SIMC1: variants seen among roughly 807,000 people sequenced by gnomAD.
The protein encoded by SIMC1 is SUMO-interacting motif-containing protein 1.
Under a neutral mutation model 82.3 loss-of-function variants are expected in SIMC1, and 55 were observed. The observed-to-expected ratio is 0.67, with a 90% CI of 0.54 to 0.84. The LOEUF (loss-of-function observed/expected upper bound fraction) is 0.84. Among genes scored for constraint, SIMC1 ranks in the 40% least tolerant of loss-of-function variants. SIMC1 has a pLI of 0.00. For synonymous variants in SIMC1, 353 were observed against 426.3 expected (o/e 0.83, Z 2.12); for missense variants, 915 against 1,107.2 (o/e 0.83, Z 2.46).
chr5:176,257,207 T>C (rs1322962393), intron 1 of SIMC1, among the ~76,000 whole-genome samples: 1 of 152,248 alleles, frequency 6.6e-6, no homozygotes, highest in South Asian at 2.1e-4. Flanking sequence ...GCAGTATATG[T>C]GTTAGGCTGT....
chr5:176,271,931 A>G (rs1244468628), intron 1 of SIMC1, among the ~76,000 whole-genome samples: 2 of 131,682 alleles, frequency 1.5e-5, no homozygotes, highest in African/African-American at 2.7e-5. Context: ...TTATATTATA[A>G]TATATACTAT....
At chr5:176,269,253 AAATC>A (rs1179069276) in intron 1 of SIMC1, among the ~76,000 whole-genome samples, 1 of 152,176 alleles carries the variant, frequency 6.6e-6, no homozygotes, top group Non-Finnish European at 1.5e-5. Context: ...ACAGATTAAA[AAATC>A]AATAAAGTTG....
rs192060762 is a variant in SIMC1, at chr5:176,321,428, C to T, written c.1890-845C>T. Among the ~76,000 whole-genome samples, 514 of 150,608 alleles carry T rather than the reference C, an allele frequency of 3.4e-3. 1 individual carries two copies. The highest frequency in any genetic ancestry group is 0.01 in the Middle Eastern group (3 of 292). On this transcript the variant is annotated intron_variant, in intron 5 of 9. Transcript: ENST00000429602. Reference sequence around the variant, plus strand: ...ACTGCACTCCAGCCTGGCGACAGAGCGAGACTCTGCCTAAAAAAAAAAAAA... The same window carrying T: ...ACTGCACTCCAGCCTGGCGACAGAGTGAGACTCTGCCTAAAAAAAAAAAAA...
At chr5:176,300,833 A>G (rs1764011208) in intron 4 of SIMC1, among the ~76,000 whole-genome samples, 1 of 152,198 alleles carries the variant, frequency 6.6e-6, no homozygotes, top group Non-Finnish European at 1.5e-5. Context: ...TATACCCCCA[A>G]TAAACTGGAT....
intron 1 of SIMC1, among the ~76,000 whole-genome samples, chr5:176,285,339 A>C (rs953016424): frequency 1.8e-4 from 27 of 152,366 alleles, no homozygotes; most frequent in African/African-American, 6.3e-4. Context: ...CAATATACAG[A>C]AATCAATAAA....
At chr5:176,271,819 T>C (rs1032504599) in intron 1 of SIMC1, among the ~76,000 whole-genome samples, 2 of 148,998 alleles carry the variant, frequency 1.3e-5, no homozygotes, top group African/African-American at 4.9e-5. Flanking sequence ...TGTCTCAAAA[T>C]ATTCCTGTCT....
At chr5:176,305,467 G>C (rs1463263914) in intron 4 of SIMC1, among the ~76,000 whole-genome samples, 6 of 67,156 alleles carry the variant, frequency 8.9e-5, no homozygotes, top group South Asian at 6.2e-4. Context: ...CCTCTGCCCG[G>C]CCGCCCCTAC....
chr5:176,256,039 A>G (rs963578436), intron 1 of SIMC1, among the ~76,000 whole-genome samples: 20 of 152,204 alleles, frequency 1.3e-4, no homozygotes, highest in Admixed American at 5.2e-4. Context: ...TATGAATCTG[A>G]GAAGCTTCCA....
chr5:176,320,382 T>TA (rs1765108591), intron 5 of SIMC1, among the ~76,000 whole-genome samples: 1 of 144,506 alleles, frequency 6.9e-6, no homozygotes, highest in African/African-American at 2.5e-5. Flanking sequence ...TTTATTTATT[T>TA]TGAGGCGGAG....
In SIMC1 at chr5:176,254,469, T is replaced by G. The variant is rs559635775; in HGVS notation, c.129+15832T>G. ...CAGCCATGAGACTTGCCCCTTAAAA[T>G]TTATCTAGTTTTAGCTTTTAGGATT... is the stretch of plus-strand genomic sequence containing the variant. On this transcript the variant is annotated intron_variant, in intron 1 of 9. Coordinates refer to ENST00000429602, the MANE Select transcript of SIMC1 (RefSeq NM_001308195.2). Among the ~76,000 whole-genome samples, 48 of 151,164 alleles carry G rather than the reference T, an allele frequency of 3.2e-4. No individual in the cohort carries two copies. The South Asian group carries it at 6.1e-3, about 19-fold the overall frequency.
At chr5:176,313,019 G>A in intron 4 of SIMC1, 1 of 166,822 alleles carries the variant, frequency 6.0e-6, no homozygotes, top group Non-Finnish European at 1.3e-5. Flanking sequence ...AAAACAAACA[G>A]CAACAAAAAC....
chr5:176,303,254 T>G (rs1764118089), intron 4 of SIMC1, among the ~76,000 whole-genome samples: 4 of 112,818 alleles, frequency 3.5e-5, no homozygotes, highest in East Asian at 2.5e-4. Flanking sequence ...GGTGACAGAG[T>G]GAGACTCTGT....
chr5:176,325,728 TAATAAA>T (rs1161480411), intron 7 of SIMC1, among the ~76,000 whole-genome samples: 1 of 151,848 alleles, frequency 6.6e-6, no homozygotes, highest in African/African-American at 2.4e-5. Flanking sequence ...ATTAAATAAA[TAATAAA>T]AATAAAAATT....
Position 176,279,401 on chromosome 5 carries a change from T to C in SIMC1, c.130-10253T>C. 1.3e-5 allele frequency among the ~76,000 whole-genome samples: 2 copies of C among 152,174 alleles called. 1 individual carries two copies. Among genetic ancestry groups the C allele is most frequent in the Non-Finnish European group, 2.9e-5 (2 of 68,022 alleles). The stretch of plus-strand genomic sequence containing the variant: ...TAGTCTTGCTAGCGGTCTATCAATT[T>C]TGTTGATCGTTTCAAAAAACCAGCT... On this transcript the variant is annotated intron_variant, in intron 1 of 9. Coordinates refer to ENST00000429602, the MANE Select transcript of SIMC1 (RefSeq NM_001308195.2).
At chr5:176,244,827 T>G (rs1343342370) in intron 1 of SIMC1, among the ~76,000 whole-genome samples, 1 of 150,432 alleles carries the variant, frequency 6.6e-6, no homozygotes, top group African/African-American at 2.5e-5. Context: ...GCTCAAGTGA[T>G]TCTCCTGCCT....
At position 176,345,239 on chromosome 5, in the gene SIMC1, C is replaced by G. The variant is rs772659403; in HGVS notation, c.2470C>G (p.Pro824Ala). The change falls in exon 10 of 10, where the codon CCC (proline) becomes GCC (alanine). Residue 824 changes from proline (P) to alanine (A), a missense_variant. By Grantham distance (27) the Pro-to-Ala change is conservative (BLOSUM62 -1). Transcript: ENST00000429602. ...RKDLIIKRIK[P>A]KPQQGDDITV... is the part of the protein sequence containing the mutation. ...GGACTTAATAATCAAAAGGATTAAG[C>G]CCAAACCCCAGCAAGGAGATGACAT... The G allele has an allele frequency of 1.2e-6, 2 of 1,613,918 alleles. No individual in the cohort carries two copies. Among genetic ancestry groups the G allele is most frequent in the Non-Finnish European group, 1.7e-6 (2 of 1,179,864 alleles).
At chr5:176,266,539 G>A (rs1459977423) in intron 1 of SIMC1, among the ~76,000 whole-genome samples, 1 of 144,944 alleles carries the variant, frequency 6.9e-6, no homozygotes, top group African/African-American at 2.6e-5. Context: ...AATCTAGGCA[G>A]GTTAAGTATT....
At position 176,324,637 on chromosome 5, in the gene SIMC1, G is replaced by A; in HGVS notation, c.2051G>A (p.Cys684Tyr). ...LTKNTNQLIV[C>Y]QLQRMLSIAV... ...CTATGTTCTGGACTCAGGATTGTGTGCCAGCTTCAGAGGATGCTCTCCATA... is the reference window on the plus strand; with the variant it reads ...CTATGTTCTGGACTCAGGATTGTGTACCAGCTTCAGAGGATGCTCTCCATA... The change falls in exon 7 of 10, where the codon TGC (cysteine) becomes TAC (tyrosine). Residue 684 changes from cysteine (C) to tyrosine (Y), a missense_variant. Around this residue, in one of 2 missense-constraint regions of SIMC1, gnomAD observed 902 missense variants for 1,040.3 expected, o/e 0.87. Transcript: ENST00000429602. The A allele has an allele frequency of 6.2e-7, 1 of 1,611,434 alleles. No homozygotes were observed.
At position 176,345,553 on chromosome 5, in the gene SIMC1, G is replaced by T. The variant is rs1766427186; in HGVS notation, c.*108G>T. ...GTTAAAATCTTACAGGACCAAACCT[G>T]CATTATTTAATCAGTAGGTTGTAAT... On this transcript the variant is annotated 3_prime_UTR_variant, in exon 10 of 10. Transcript: ENST00000429602. The T allele has an allele frequency of 8.0e-7, 1 of 1,245,538 alleles. No individual in the cohort carries two copies. The highest frequency in any genetic ancestry group is 2.5e-5 in the East Asian group (1 of 39,536). The allele number at this position is 1,245,538 out of a possible 1,614,324, so 77.2% of individuals were successfully genotyped here. A position where few individuals can be genotyped will look rare whatever the true frequency, so the allele number is the denominator to read the frequency against.
Sources: gnomAD v4.1 joint callset for allele counts (sites outside exome capture counted in the v4.1 genomes callset) on GRCh38, gnomAD v4.1.1 for gene constraint, gnomAD v4.1.1 regional missense constraint, MANE v1.5 for transcripts, NCBI Gene and HGNC (gene_info 2026-07-23, HGNC 2026-07-21) for gene names.